SLC12A1: variants seen among roughly 807,000 people sequenced by gnomAD.
SLC12A1 encodes the protein Na-K-2Cl cotransporter.
In SLC12A1, 89 loss-of-function variants were observed where a neutral mutation model predicts 130.4. That is an observed-to-expected ratio of 0.68 (90% CI 0.58 to 0.81). The LOEUF (loss-of-function observed/expected upper bound fraction) is 0.81. Among genes scored for constraint, SLC12A1 ranks in the 40% least tolerant of loss-of-function variants. The pLI, the probability that SLC12A1 is intolerant of heterozygous loss-of-function variation, is 0.00. For missense variants in SLC12A1, 1,310 were observed against 1,336.4 expected, an observed-to-expected ratio of 0.98 and a Z score of 0.31; for synonymous variants, 499 against 460.0, an observed-to-expected ratio of 1.08 and a Z score of -1.09.
intron 10 of SLC12A1, among the ~76,000 whole-genome samples, chr15:48,242,181 T>C (rs1176109759): frequency 1.3e-5 from 2 of 152,210 alleles, no homozygotes; most frequent in Non-Finnish European, 2.9e-5. Context: ...TCACCTGCTG[T>C]TCCTGAGACT....
At chr15:48,286,299 G>A (rs1397423797) in intron 21 of SLC12A1, among the ~76,000 whole-genome samples, 1 of 152,096 alleles carries the variant, frequency 6.6e-6, no homozygotes, top group African/African-American at 2.4e-5. Flanking sequence ...CGAGCTCCTG[G>A]GATACCCCAT....
intron 20 of SLC12A1, among the ~76,000 whole-genome samples, chr15:48,275,295 C>T (rs1597447473): frequency 6.6e-6 from 1 of 152,268 alleles, no homozygotes; most frequent in South Asian, 2.1e-4. Flanking sequence ...AGCTTCACGA[C>T]AGAGTCCACT....
intron 7 of SLC12A1, among the ~76,000 whole-genome samples, chr15:48,230,855 C>T (rs1340252433): frequency 6.6e-6 from 1 of 152,090 alleles, no homozygotes; most frequent in Non-Finnish European, 1.5e-5. Context: ...GTGCAAAAGC[C>T]CAAGAGAAAT....
intron 11 of SLC12A1, 22 bp from the exon 12 acceptor site, chr15:48,246,887 T>C: frequency 1.9e-6 from 3 of 1,542,832 alleles, no homozygotes; most frequent in Non-Finnish European, 1.8e-6. Context: ...AAAGTCTCCT[T>C]ACTTGTACCT....
At chr15:48,290,106 G>T (rs984316335) in intron 23 of SLC12A1, among the ~76,000 whole-genome samples, 2 of 152,034 alleles carry the variant, frequency 1.3e-5, no homozygotes, top group African/African-American at 2.4e-5. Context: ...TATTCTATAA[G>T]CATTTTTCTA....
chr15:48,279,468 T>A (rs990045656), intron 20 of SLC12A1, among the ~76,000 whole-genome samples: 11 of 152,198 alleles, frequency 7.2e-5, no homozygotes, highest in Non-Finnish European at 1.5e-4. Context: ...TAACGACAAT[T>A]ATTTTTATAT....
intron 9 of SLC12A1, among the ~76,000 whole-genome samples, chr15:48,239,587 C>T (rs1451473944): frequency 6.6e-6 from 1 of 151,588 alleles, no homozygotes; most frequent in Non-Finnish European, 1.5e-5. Flanking sequence ...CATGTGACTC[C>T]TGTTAAGCCA....
At chr15:48,295,457 C>T (rs760409695) in intron 24 of SLC12A1, among the ~76,000 whole-genome samples, 2 of 152,098 alleles carry the variant, frequency 1.3e-5, no homozygotes, top group African/African-American at 2.4e-5. Context: ...TGTACCTCTT[C>T]CATTAACCAA....
chr15:48,230,847 G>T (rs2041367052), intron 7 of SLC12A1, among the ~76,000 whole-genome samples: 1 of 152,198 alleles, frequency 6.6e-6, no homozygotes, highest in South Asian at 2.1e-4. Flanking sequence ...GCCTGTGGGT[G>T]CAAAAGCCCA....
chr15:48,268,559 T>C (rs891864617), intron 18 of SLC12A1, among the ~76,000 whole-genome samples: 3 of 152,154 alleles, frequency 2.0e-5, no homozygotes, highest in Admixed American at 1.3e-4. Context: ...TTAAGCTTAA[T>C]TGGTAATATT....
At chr15:48,252,102 C>T (rs2041655345) in intron 15 of SLC12A1, among the ~76,000 whole-genome samples, 1 of 152,070 alleles carries the variant, frequency 6.6e-6, no homozygotes, top group Non-Finnish European at 1.5e-5. Context: ...ACTCAGGAGG[C>T]TGAGGCAGGA....
chr15:48,258,136 C>G (rs1288327275), intron 16 of SLC12A1, among the ~76,000 whole-genome samples: 1 of 70,642 alleles, frequency 1.4e-5, no homozygotes, highest in Non-Finnish European at 2.3e-5. Flanking sequence ...CCGAGGCGGG[C>G]GGATCACGAG....
intron 14 of SLC12A1, among the ~76,000 whole-genome samples, chr15:48,250,646 A>T (rs1486565212): frequency 7.0e-6 from 1 of 142,880 alleles, no homozygotes; most frequent in Non-Finnish European, 1.5e-5. Flanking sequence ...AGGAAGACAC[A>T]TGGATACACA....
At chr15:48,227,422 G>T (rs2041304699) in intron 5 of SLC12A1, 2 of 519,202 alleles carry the variant, frequency 3.9e-6, no homozygotes, top group South Asian at 2.2e-5. Flanking sequence ...TAGTAAGAAG[G>T]TATGGAATAT....
intron 14 of SLC12A1, among the ~76,000 whole-genome samples, chr15:48,250,674 C>CACACA (rs1555383559): frequency 2.5e-4 from 14 of 56,122 alleles, no homozygotes; most frequent in African/African-American, 6.5e-4. Flanking sequence ...AAAATGTCTG[C>CACACA]CTCACACACA....
intron 17 of SLC12A1, among the ~76,000 whole-genome samples, chr15:48,261,573 G>A (rs2041775441): frequency 6.6e-6 from 1 of 152,214 alleles, no homozygotes; most frequent in African/African-American, 2.4e-5. Context: ...TCCTGGGGCT[G>A]CAGATGTTGA....
chr15:48,229,163 T>G, intron 5 of SLC12A1, 26 bp from the exon 6 acceptor site: 1 of 1,572,482 alleles, frequency 6.4e-7, no homozygotes, highest in Non-Finnish European at 8.6e-7. Context: ...TTCCTCAATG[T>G]GAAGTATGTT....
At chr15:48,212,167 T>C (rs1197531121) in intron 2 of SLC12A1, among the ~76,000 whole-genome samples, 1 of 152,162 alleles carries the variant, frequency 6.6e-6, no homozygotes, top group Non-Finnish European at 1.5e-5. Context: ...ACTAGCTTTT[T>C]ATTTTAACAG....
At chr15:48,266,285 ATGACAT>A (rs2141085705) in intron 17 of SLC12A1, among the ~76,000 whole-genome samples, 1 of 152,310 alleles carries the variant, frequency 6.6e-6, no homozygotes, top group South Asian at 2.1e-4. Flanking sequence ...CGGGGCTTTG[ATGACAT>A]TGCACTAGGT....
Sources: gnomAD v4.1 joint callset for allele counts (sites outside exome capture counted in the v4.1 genomes callset) on GRCh38, gnomAD v4.1.1 for gene constraint, MANE v1.5 for transcripts, NCBI Gene and HGNC (gene_info 2026-07-23, HGNC 2026-07-21) for gene names.